The following MAGI2 variants were observed in gnomAD, a reference collection of about 807,000 sequenced individuals.
MAGI2 encodes membrane-associated guanylate kinase, WW and PDZ domain-containing protein 2.
In MAGI2, 35 loss-of-function variants were observed where a neutral mutation model predicts 133.3. That is an observed-to-expected ratio of 0.26 (90% confidence interval 0.20 to 0.35). The LOEUF (loss-of-function observed/expected upper bound fraction) is 0.35. MAGI2 is among the 10% of genes least tolerant of loss of function. The pLI, the probability that MAGI2 is intolerant of heterozygous loss-of-function variation, is 1.00. For missense variants in MAGI2, 1,636 were observed against 1,863.4 expected, an observed-to-expected ratio of 0.88 and a Z score of 2.25; for synonymous variants, 729 against 710.6, an observed-to-expected ratio of 1.03 and a Z score of -0.41.
chr7:78,549,612 T>G (rs546231771), intron 3 of MAGI2, among the ~76,000 whole-genome samples: 69 of 152,096 alleles, frequency 4.5e-4, no homozygotes, highest in Non-Finnish European at 9.3e-4. Context: ...AAATCCATCT[T>G]TCTTTGACTA....
chr7:78,473,789 T>C (rs1791466499), intron 6 of MAGI2, among the ~76,000 whole-genome samples: 1 of 152,008 alleles, frequency 6.6e-6, no homozygotes, highest in African/African-American at 2.4e-5. Context: ...GCCTTCCTCA[T>C]TCCAAATAAA....
At chr7:78,227,097 T>C (rs1789466035) in intron 10 of MAGI2, among the ~76,000 whole-genome samples, 1 of 152,206 alleles carries the variant, frequency 6.6e-6, no homozygotes, top group Non-Finnish European at 1.5e-5. Flanking sequence ...ACAATTTTGG[T>C]GTTTCTATTC....
intron 2 of MAGI2, among the ~76,000 whole-genome samples, chr7:78,698,123 C>T (rs913682956): frequency 2.6e-5 from 4 of 152,172 alleles, no homozygotes; most frequent in Non-Finnish European, 5.9e-5. Context: ...AATACGAATG[C>T]TTTCCACTAC....
intron 2 of MAGI2, among the ~76,000 whole-genome samples, chr7:78,886,621 C>G (rs1796293011): frequency 6.6e-6 from 1 of 151,946 alleles, no homozygotes; most frequent in Non-Finnish European, 1.5e-5. Flanking sequence ...GGAGTAGAAT[C>G]AGCACTGGGT....
chr7:78,733,043 C>T (rs907004345), intron 2 of MAGI2, among the ~76,000 whole-genome samples: 2 of 151,900 alleles, frequency 1.3e-5, no homozygotes, highest in Non-Finnish European at 2.9e-5. Flanking sequence ...GGAAATGGCG[C>T]AACAGGATTA....
intron 1 of MAGI2, among the ~76,000 whole-genome samples, chr7:79,444,692 T>C (rs982175365): frequency 6.6e-6 from 1 of 152,132 alleles, no homozygotes; most frequent in Non-Finnish European, 1.5e-5. Context: ...GAACATTCCA[T>C]GCTCATGGGT....
At chr7:78,254,609 T>C (rs572836933) in intron 10 of MAGI2, 81 of 152,340 alleles carry the variant, frequency 5.3e-4, no homozygotes, top group African/African-American at 1.9e-3. Context: ...TGCTCACAAA[T>C]GCCTGGTGTT....
In MAGI2 at chr7:79,200,633, C is replaced by T. The variant is rs13235039; in HGVS notation, c.302-193427G>A. Among the ~76,000 whole-genome samples the T allele has an allele frequency of 2.9e-3, 445 of 151,278 alleles. 1 individual carries two copies. The highest frequency in any genetic ancestry group is 4.7e-3 in the Non-Finnish European group (319 of 67,882). ...CTCAAAAAAAAAAAAAAGTTTATAT[C>T]TATTGATATATCTCATTTCACAATC... On this transcript the variant is annotated intron_variant, in intron 1 of 21. Transcript: ENST00000354212.
intron 1 of MAGI2, among the ~76,000 whole-genome samples, chr7:79,211,268 A>T (rs1829469727): frequency 6.6e-6 from 1 of 151,830 alleles, no homozygotes; most frequent in African/African-American, 2.4e-5. Context: ...AAACGTACAC[A>T]AACCTTTCTT....
At chr7:78,069,619 A>G (rs953149480) in intron 21 of MAGI2, among the ~76,000 whole-genome samples, 2 of 150,700 alleles carry the variant, frequency 1.3e-5, no homozygotes, top group Admixed American at 1.3e-4. Context: ...CCTCTTCTGC[A>G]TTTTAGGATT....
chr7:78,330,567 G>A (rs1789068461), intron 9 of MAGI2, among the ~76,000 whole-genome samples: 1 of 28,742 alleles, frequency 3.5e-5, no homozygotes, highest in Admixed American at 4.2e-4. Context: ...GCAGTGAGCC[G>A]AGATTGCGCC....
At chr7:78,020,427 G>C (rs1296754839) in intron 21 of MAGI2, among the ~76,000 whole-genome samples, 2 of 152,128 alleles carry the variant, frequency 1.3e-5, no homozygotes, top group African/African-American at 4.8e-5. Context: ...AGCAGCACGG[G>C]GCCCAGGAAG....
chr7:78,640,093 A>G (rs1810121694), intron 2 of MAGI2, among the ~76,000 whole-genome samples: 1 of 152,136 alleles, frequency 6.6e-6, no homozygotes, highest in South Asian at 2.1e-4. Context: ...AGCAGGACTC[A>G]GTTTCTATTC....
chr7:78,028,559 C>A (rs1809198384), intron 21 of MAGI2, among the ~76,000 whole-genome samples: 2 of 152,086 alleles, frequency 1.3e-5, no homozygotes, highest in South Asian at 4.2e-4. Context: ...GTTCAAAGAA[C>A]TATGGTGCTA....
intron 6 of MAGI2, among the ~76,000 whole-genome samples, chr7:78,458,490 G>C (rs1789585951): frequency 6.6e-6 from 1 of 151,910 alleles, no homozygotes; most frequent in Admixed American, 6.6e-5. Flanking sequence ...GTATGTTTAT[G>C]GGTGTGTGCA....
chr7:78,094,761 T>C (rs1289054086), intron 20 of MAGI2, among the ~76,000 whole-genome samples: 1 of 152,214 alleles, frequency 6.6e-6, no homozygotes, highest in Non-Finnish European at 1.5e-5. Flanking sequence ...CCTGCCCTTT[T>C]CCCACTGGGT....
At chr7:78,578,727 G>A (rs190354340) in intron 3 of MAGI2, among the ~76,000 whole-genome samples, 2,259 of 152,208 alleles carry the variant, frequency 0.015, 24 homozygotes, top group Middle Eastern at 0.031. Flanking sequence ...GGATGTGAGT[G>A]TGTTAACACC....
intron 1 of MAGI2, among the ~76,000 whole-genome samples, chr7:79,340,603 T>A (rs1207820842): frequency 6.6e-6 from 1 of 152,182 alleles, no homozygotes; most frequent in Non-Finnish European, 1.5e-5. Context: ...CACATTTTTT[T>A]CTAATAGGAT....
intron 2 of MAGI2, among the ~76,000 whole-genome samples, chr7:78,794,684 A>T (rs1026618822): frequency 6.6e-6 from 1 of 151,992 alleles, no homozygotes; most frequent in African/African-American, 2.4e-5. Context: ...ACACTTGAAA[A>T]TTATAAACAT....
Sources: gnomAD v4.1 joint callset for allele counts (sites outside exome capture counted in the v4.1 genomes callset) on GRCh38, gnomAD v4.1.1 for gene constraint, MANE v1.5 for transcripts, NCBI Gene and HGNC (gene_info 2026-07-23, HGNC 2026-07-21) for gene names.